Variants in IKZF3 observed in about 807,000 individuals in gnomAD.
IKZF3 encodes the protein zinc finger protein Aiolos.
In IKZF3, 10 loss-of-function variants were observed where a neutral mutation model predicts 49.0. The ratio of observed to expected loss-of-function variants is 0.20; its 90% CI spans 0.13 to 0.35. IKZF3 has a LOEUF of 0.35. Among genes scored for constraint, IKZF3 ranks in the 10% least tolerant of loss-of-function variants. The probability of loss-of-function intolerance (pLI) is 1.00; values close to 1 mark genes in which losing one functional copy is unlikely to be tolerated. For synonymous variants in IKZF3, 209 were observed against 228.2 expected (o/e 0.92, Z 0.76); for missense variants, 498 against 664.8 (o/e 0.75, Z 2.76).
At chr17:39,780,450 A>G (rs1234693977) in intron 6 of IKZF3, among the ~76,000 whole-genome samples, 1 of 151,866 alleles carries the variant, frequency 6.6e-6, no homozygotes, top group African/African-American at 2.4e-5. Context: ...TGCAGGCTCA[A>G]CCTCCTGGGC....
At chr17:39,849,307 C>A in intron 1 of IKZF3, among the ~76,000 whole-genome samples, 1 of 111,082 alleles carries the variant, frequency 9.0e-6, no homozygotes. Flanking sequence ...GTGATAGCAC[C>A]TGGAAAAAAA....
rs1416159125 is a variant in IKZF3, at chr17:39,850,213, CAT to C, written c.7+13905_7+13906del. Among the ~76,000 whole-genome samples the C allele has an allele frequency of 8.5e-5, 11 of 130,108 alleles. No homozygotes were observed. The East Asian group carries it at 2.1e-3, about 25-fold the overall frequency. 85.4% of individuals were successfully genotyped at this position (130,108 alleles called of 152,430 possible). A position where few individuals can be genotyped will look rare whatever the true frequency, so the allele number is the denominator to read the frequency against. The stretch of plus-strand genomic sequence containing the variant: ...TTATGTATGTATATATACTATATAA[CAT>C]ATTATGTATGTATATATAATATATA... On this transcript the variant is annotated intron_variant, in intron 1 of 7. Transcript: ENST00000346872.
intron 3 of IKZF3, among the ~76,000 whole-genome samples, chr17:39,826,059 T>C (rs1443165980): frequency 6.6e-6 from 1 of 152,174 alleles, no homozygotes; most frequent in Non-Finnish European, 1.5e-5. Context: ...TTTTTGTTTG[T>C]TGAGACAGGG....
intron 3 of IKZF3, among the ~76,000 whole-genome samples, chr17:39,797,427 T>C (rs998595084): frequency 2.0e-5 from 3 of 146,720 alleles, no homozygotes; most frequent in African/African-American, 7.4e-5. Context: ...CTTTCTTTCT[T>C]TTTTTTTTTT....
At chr17:39,825,690 T>C (rs2061937465) in intron 3 of IKZF3, among the ~76,000 whole-genome samples, 1 of 152,204 alleles carries the variant, frequency 6.6e-6, no homozygotes. Context: ...AGAATTTCCA[T>C]TTGAGGGGAA....
At chr17:39,820,969 C>T (rs929884728) in intron 3 of IKZF3, among the ~76,000 whole-genome samples, 1 of 152,186 alleles carries the variant, frequency 6.6e-6, no homozygotes, top group African/African-American at 2.4e-5. Flanking sequence ...CCACGTCACC[C>T]CTTCCTTGCT....
intron 3 of IKZF3, among the ~76,000 whole-genome samples, chr17:39,805,459 G>T (rs956311150): frequency 2.0e-5 from 3 of 152,116 alleles, no homozygotes; most frequent in African/African-American, 7.2e-5. Context: ...TGAGTATAAG[G>T]ATTAAGAATT....
rs751647578 is a variant in IKZF3 at position 39,766,085 on chromosome 17, C to T, written c.1235G>A (p.Arg412His). 5 of 1,614,124 alleles carry T rather than the reference C, an allele frequency of 3.1e-6. No homozygotes were observed. In the South Asian group the frequency reaches 4.4e-5, roughly 14 times the overall value. The change falls in exon 8 of 8, where the codon CGC becomes CAC. Residue 412 changes from arginine to histidine, a missense_variant. Coordinates refer to ENST00000346872, the MANE Select transcript of IKZF3 (RefSeq NM_012481.5). ...CTCCTTCAGAAGTGGCATCCCATTG[C>T]GGGCCCGAGACAGGACCATGTGATT... ...QQNHMVLSRA[R>H]NGMPLLKEVP...
chr17:39,783,725 G>A (rs1297922635), intron 6 of IKZF3, among the ~76,000 whole-genome samples: 1 of 148,568 alleles, frequency 6.7e-6, no homozygotes, highest in Non-Finnish European at 1.5e-5. Flanking sequence ...GAGATCAGGA[G>A]TTTGAGATGC....
chr17:39,766,808 A>G (rs1174817654), intron 7 of IKZF3, among the ~76,000 whole-genome samples: 1 of 152,228 alleles, frequency 6.6e-6, no homozygotes, highest in Non-Finnish European at 1.5e-5. Flanking sequence ...GAAGCAGGAC[A>G]CTAGGATGGG....
At chr17:39,815,869 A>T (rs2061667605) in intron 3 of IKZF3, among the ~76,000 whole-genome samples, 1 of 152,240 alleles carries the variant, frequency 6.6e-6, no homozygotes, top group Admixed American at 6.5e-5. Flanking sequence ...TTCATAGGTA[A>T]GTATTCTTAG....
At chr17:39,782,429 A>T (rs1442591567) in intron 6 of IKZF3, among the ~76,000 whole-genome samples, 2 of 152,068 alleles carry the variant, frequency 1.3e-5, no homozygotes, top group Non-Finnish European at 2.9e-5. Context: ...ACACACACAC[A>T]CATATCACAC....
chr17:39,805,567 G>A (rs9941391), intron 3 of IKZF3, among the ~76,000 whole-genome samples: 2 of 152,044 alleles, frequency 1.3e-5, no homozygotes, highest in African/African-American at 4.8e-5. Flanking sequence ...CCCATCTCTG[G>A]TTCTTCCCTT....
intron 3 of IKZF3, among the ~76,000 whole-genome samples, chr17:39,828,553 G>A (rs912781747): frequency 1.3e-5 from 2 of 152,184 alleles, no homozygotes; most frequent in Admixed American, 1.3e-4. Flanking sequence ...GGGAGTCCCC[G>A]ATTTTGTAGC....
At chr17:39,773,938 G>A (rs977782859) in intron 7 of IKZF3, among the ~76,000 whole-genome samples, 6 of 64,226 alleles carry the variant, frequency 9.3e-5, no homozygotes, top group South Asian at 8.6e-4. Flanking sequence ...CCTGATGGAC[G>A]TGTGTCCATT....
chr17:39,778,967 A>C (rs1203019497), intron 6 of IKZF3, among the ~76,000 whole-genome samples: 2 of 152,234 alleles, frequency 1.3e-5, no homozygotes, highest in African/African-American at 4.8e-5. Context: ...CCCCCTTCAG[A>C]TCAATTAAAT....
intron 3 of IKZF3, among the ~76,000 whole-genome samples, chr17:39,827,037 A>G (rs2061975805): frequency 6.6e-6 from 1 of 152,038 alleles, no homozygotes; most frequent in African/African-American, 2.4e-5. Context: ...TTACTGTGTC[A>G]CCCAGGCTGG....
chr17:39,833,446 G>C (rs2062173399), intron 1 of IKZF3, among the ~76,000 whole-genome samples: 1 of 152,092 alleles, frequency 6.6e-6, no homozygotes, highest in African/African-American at 2.4e-5. Flanking sequence ...GACAACTACT[G>C]TTTTGACTTT....
At chr17:39,783,951 AC>A (rs2060809606) in intron 6 of IKZF3, among the ~76,000 whole-genome samples, 1 of 151,962 alleles carries the variant, frequency 6.6e-6, no homozygotes, top group African/African-American at 2.4e-5. Context: ...AAAAAACAAA[AC>A]AAAAAAAAAT....
Sources: allele counts gnomAD v4.1 joint callset (sites outside exome capture counted in the v4.1 genomes callset), GRCh38; gene constraint gnomAD v4.1.1; transcripts MANE v1.5; gene names NCBI Gene and HGNC (gene_info 2026-07-23, HGNC 2026-07-21).